The following HEATR5B variants were observed in gnomAD, a reference collection of about 807,000 sequenced individuals.
HEATR5B encodes HEAT repeat-containing protein 5B.
A neutral mutation model predicts 224.1 loss-of-function variants in HEATR5B; 156 were observed. The observed-to-expected ratio is 0.70, with a 90% CI of 0.61 to 0.80. The LOEUF is 0.80. Among genes scored for constraint, HEATR5B ranks in the 30% least tolerant of loss-of-function variants. The pLI, the probability that HEATR5B is intolerant of heterozygous loss-of-function variation, is 0.00. For synonymous variants in HEATR5B, 1,027 were observed against 893.0 expected (o/e 1.15, Z -2.68); for missense variants, 2,323 against 2,535.5 (o/e 0.92, Z 1.80).
At chr2:37,046,048 T>A (rs1451508770) in intron 18 of HEATR5B, among the ~76,000 whole-genome samples, 1 of 152,230 alleles carries the variant, frequency 6.6e-6, no homozygotes, top group Non-Finnish European at 1.5e-5. Flanking sequence ...TTTGTTCATA[T>A]TTAACTAGTA....
chr2:37,068,635 CT>C (rs1424506774), intron 8 of HEATR5B, 45 bp downstream of exon 8: 14 of 1,583,940 alleles, frequency 8.8e-6, no homozygotes, highest in Non-Finnish European at 1.2e-5. Flanking sequence ...TAATAAAGAA[CT>C]AAATGACTAA....
At chr2:37,040,571 G>T in intron 19 of HEATR5B, 53 bp from the exon 20 acceptor site, 1 of 1,366,550 alleles carries the variant, frequency 7.3e-7, no homozygotes, top group South Asian at 1.3e-5. Context: ...CGAATGTACT[G>T]AATTGAGTAT....
rs938054054 is a variant in HEATR5B at position 37,041,661 on chromosome 2, G to A, written c.2697-369C>T. On this transcript the variant is annotated intron_variant, in intron 18 of 35. Coordinates refer to ENST00000233099, the MANE Select transcript of HEATR5B (RefSeq NM_019024.3). ...GTAGGGAGGCTGAAGTGAGAGGACT[G>A]CTTGAGCCTGACAGGTGAGGCTGCA... 2.6e-5 allele frequency among the ~76,000 whole-genome samples: 4 copies of A among 152,222 alleles called. No homozygotes were observed. The East Asian group carries it at 7.7e-4, about 29-fold the overall frequency.
chr2:37,041,382 T>C lies in HEATR5B; in HGVS notation c.2697-90A>G, dbSNP rs1185774440. Reference sequence around the variant, plus strand: ...AAGTCACACAAAAACTGGGATTTATTGGGGAAATAAGAAAAGATTATAATC... The same window carrying C: ...AAGTCACACAAAAACTGGGATTTATCGGGGAAATAAGAAAAGATTATAATC... On this transcript the variant is annotated intron_variant, in intron 18 of 35. Transcript: ENST00000233099. 4 of 1,194,014 alleles carry C rather than the reference T, an allele frequency of 3.4e-6. No individual in the cohort carries two copies. In the Admixed American group the frequency reaches 7.9e-5, roughly 24 times the overall value. 74.0% of individuals were successfully genotyped at this position (1,194,014 alleles called of 1,614,324 possible). A position where few individuals can be genotyped will look rare whatever the true frequency, so the allele number is the denominator to read the frequency against.
At chr2:37,064,279 G>GTTTTT (rs1168347754) in intron 10 of HEATR5B, among the ~76,000 whole-genome samples, 1 of 127,138 alleles carries the variant, frequency 7.9e-6, no homozygotes, top group African/African-American at 2.9e-5. Flanking sequence ...CTAAGGTTGG[G>GTTTTT]TTTTTTTTTT....
At chr2:36,982,841 G>A in intron 35 of HEATR5B, among the ~76,000 whole-genome samples, 1 of 135,252 alleles carries the variant, frequency 7.4e-6, no homozygotes, top group Admixed American at 7.6e-5. Context: ...AAAGATACAT[G>A]TCTACATATA....
Position 37,044,063 on chromosome 2 carries a change from T to C in HEATR5B, c.2697-2771A>G, listed in dbSNP as rs1399478121. Among the ~76,000 whole-genome samples the C allele has an allele frequency of 4.6e-5, 7 of 152,336 alleles. No homozygotes were observed. The East Asian group carries it at 9.6e-4, about 21-fold the overall frequency. Reference sequence around the variant, plus strand: ...TATTAAAATATCAAGATGTAATCAATATACCAAATTATTGAGATATTTTAC... The same window carrying C: ...TATTAAAATATCAAGATGTAATCAACATACCAAATTATTGAGATATTTTAC... On this transcript the variant is annotated intron_variant, in intron 18 of 35. Transcript: ENST00000233099.
At chr2:37,023,433 C>T (rs1206974612) in intron 24 of HEATR5B, among the ~76,000 whole-genome samples, 1 of 152,064 alleles carries the variant, frequency 6.6e-6, no homozygotes, top group South Asian at 2.1e-4. Context: ...CATATTTTTT[C>T]ATGTGCCTAC....
At chr2:37,038,807 G>A (rs80139150) in intron 20 of HEATR5B, among the ~76,000 whole-genome samples, 1 of 149,826 alleles carries the variant, frequency 6.7e-6, no homozygotes, top group African/African-American at 2.5e-5. Context: ...AGCTGAGGCA[G>A]GAGAATTGCT....
intron 27 of HEATR5B, among the ~76,000 whole-genome samples, chr2:37,013,487 C>T (rs984919063): frequency 6.6e-6 from 1 of 152,276 alleles, no homozygotes; most frequent in African/African-American, 2.4e-5. Context: ...AAGTTCAAGT[C>T]CAGGCTGGGC....
chr2:37,066,125 G>A (rs1168317342), intron 8 of HEATR5B, among the ~76,000 whole-genome samples: 1 of 152,186 alleles, frequency 6.6e-6, no homozygotes, highest in African/African-American at 2.4e-5. Context: ...TATATACTGA[G>A]ATACATCTTT....
At position 37,041,167 on chromosome 2, in the gene HEATR5B, G is replaced by C; in HGVS notation, c.2822C>G (p.Ala941Gly). The C allele has an allele frequency of 6.2e-7, 1 of 1,613,918 alleles. No individual in the cohort carries two copies. The highest frequency in any genetic ancestry group is 8.5e-7 in the Non-Finnish European group (1 of 1,179,906). Reference protein sequence around the residue: ...HLKTSVSILLALAQDGTSPEV... With the variant: ...HLKTSVSILLGLAQDGTSPEV... The stretch of plus-strand genomic sequence containing the variant: ...AGGGGATGTCCCATCTTGTGCTAGA[G>C]CCAATAAAATGCTGACACTGGTCTT... Residue 941 changes from alanine (A) to glycine (G), a missense_variant, in exon 19 of 36, where the codon GCT becomes GGT. Transcript: ENST00000233099.
chr2:37,074,252 G>A (rs1198990429), intron 5 of HEATR5B, among the ~76,000 whole-genome samples: 2 of 151,518 alleles, frequency 1.3e-5, no homozygotes, highest in East Asian at 3.9e-4. Flanking sequence ...GAACCCGGGA[G>A]GCGGAGTTTG....
At chr2:37,048,205 G>C (rs1232777550) in intron 18 of HEATR5B, among the ~76,000 whole-genome samples, 2 of 145,970 alleles carry the variant, frequency 1.4e-5, no homozygotes, top group African/African-American at 5.1e-5. Context: ...TTTTTTTTGA[G>C]ACAGAGTTTC....
intron 2 of HEATR5B, among the ~76,000 whole-genome samples, chr2:37,082,260 A>T (rs914140779): frequency 6.6e-6 from 1 of 151,590 alleles, no homozygotes; most frequent in Non-Finnish European, 1.5e-5. Flanking sequence ...AGCAGTGTTT[A>T]GTAGAAACGG....
intron 2 of HEATR5B, among the ~76,000 whole-genome samples, chr2:37,079,986 CG>C (rs765940140): frequency 1.3e-5 from 2 of 151,974 alleles, no homozygotes; most frequent in African/African-American, 2.4e-5. Context: ...TACTGTTTTA[CG>C]TGGATTAATT....
Position 37,059,464 on chromosome 2 carries a change from ATT to A in HEATR5B, c.1850-479_1850-478del, listed in dbSNP as rs35615621. Among the ~76,000 whole-genome samples the A allele has an allele frequency of 1.3e-3, 88 of 65,822 alleles. 1 individual carries two copies. Among genetic ancestry groups the A allele is most frequent in the African/African-American group, 2.3e-3 (45 of 19,150 alleles). 43.2% of individuals were successfully genotyped at this position (65,822 alleles called of 152,430 possible). On this transcript the variant is annotated intron_variant, in intron 12 of 35. Transcript: ENST00000233099. Reference sequence around the variant, plus strand: ...TGTGTGTGTATATATATATATATATATTTTTTTTTTTTTTTTTTTGAGAGAGT... The same window carrying A: ...TGTGTGTGTATATATATATATATATATTTTTTTTTTTTTTTTTGAGAGAGT...
chr2:37,083,981 C>G (rs1342063929), intron 1 of HEATR5B, among the ~76,000 whole-genome samples: 1 of 152,186 alleles, frequency 6.6e-6, no homozygotes, highest in African/African-American at 2.4e-5. Flanking sequence ...AGTGACAACA[C>G]CAGGCGGTCC....
chr2:37,023,065 A>G (rs1334600114), intron 24 of HEATR5B, among the ~76,000 whole-genome samples: 2 of 152,158 alleles, frequency 1.3e-5, no homozygotes, highest in Non-Finnish European at 2.9e-5. Context: ...TATGTTTCCT[A>G]TGTTCAAAGA....
Sources: allele counts gnomAD v4.1 joint callset (sites outside exome capture counted in the v4.1 genomes callset), GRCh38; gene constraint gnomAD v4.1.1; transcripts MANE v1.5; gene names NCBI Gene and HGNC (gene_info 2026-07-23, HGNC 2026-07-21).